NRXN3: variants seen among roughly 807,000 people sequenced by gnomAD.
NRXN3 encodes neurexin 3.
A neutral mutation model predicts 137.6 loss-of-function variants in NRXN3; 32 were observed. That is an observed-to-expected ratio of 0.23 (90% CI 0.18 to 0.31). The LOEUF (loss-of-function observed/expected upper bound fraction) is 0.31, where lower values mean the gene tolerates loss of function less well. Ranked by LOEUF, NRXN3 falls within the 10% of genes least tolerant of loss-of-function variation. The pLI is 1.00. For missense variants in NRXN3, 1,574 were observed against 2,062.5 expected (o/e 0.76, Z 4.59); for synonymous variants, 798 against 784.5 (o/e 1.02, Z -0.29).
At chr14:79,344,728 C>G (rs1195793069) in intron 15 of NRXN3, among the ~76,000 whole-genome samples, 1 of 152,276 alleles carries the variant, frequency 6.6e-6, no homozygotes, top group African/African-American at 2.4e-5. Flanking sequence ...TGAAATGCAT[C>G]TGGAAAATTT....
intron 6 of NRXN3, among the ~76,000 whole-genome samples, chr14:78,666,817 C>T (rs1048217770): frequency 4.6e-5 from 7 of 152,054 alleles, no homozygotes; most frequent in African/African-American, 1.4e-4. Flanking sequence ...GCTCTTTGTG[C>T]CATTCTTTGG....
At chr14:78,375,994 C>T (rs2087750114) in intron 4 of NRXN3, among the ~76,000 whole-genome samples, 1 of 137,096 alleles carries the variant, frequency 7.3e-6, no homozygotes, top group East Asian at 2.1e-4. Context: ...TCAACTTCTT[C>T]CTCCTTGATA....
chr14:78,218,425 TTCTC>T (rs2063510899), intron 1 of NRXN3, among the ~76,000 whole-genome samples: 1 of 152,212 alleles, frequency 6.6e-6, no homozygotes, highest in Non-Finnish European at 1.5e-5. Flanking sequence ...ACTAGGCACA[TTCTC>T]TTTTTGTAGG....
At chr14:79,342,369 CTA>C (rs2092653513) in intron 15 of NRXN3, among the ~76,000 whole-genome samples, 1 of 152,168 alleles carries the variant, frequency 6.6e-6, no homozygotes, top group South Asian at 2.1e-4. Context: ...TAGAGTCTGG[CTA>C]TTCTTCTGAA....
At chr14:79,015,777 C>T (rs1459638554) in intron 15 of NRXN3, among the ~76,000 whole-genome samples, 1 of 152,202 alleles carries the variant, frequency 6.6e-6, no homozygotes, top group East Asian at 1.9e-4. Context: ...CACGTTTAAA[C>T]ACAGTAGTCC....
At chr14:78,394,981 T>C (rs1267865975) in intron 4 of NRXN3, among the ~76,000 whole-genome samples, 3 of 151,936 alleles carry the variant, frequency 2.0e-5, no homozygotes, top group Non-Finnish European at 4.4e-5. Flanking sequence ...TCTTGCAAGA[T>C]GCTTGTTGAT....
chr14:79,638,725 G>A (rs1404603184), intron 16 of NRXN3, among the ~76,000 whole-genome samples: 1 of 152,190 alleles, frequency 6.6e-6, no homozygotes, highest in Non-Finnish European at 1.5e-5. Context: ...TGTGCAAGGT[G>A]AGTGGGAAAG....
At position 78,243,661 on chromosome 14, in the gene NRXN3, G is replaced by C. The variant is rs759069929; in HGVS notation, c.568G>C (p.Gly190Arg). 6.3e-7 allele frequency: 1 copy of C among 1,598,416 alleles called. No individual in the cohort carries two copies. The highest frequency in any genetic ancestry group is 1.1e-5 in the South Asian group (1 of 91,078). The change falls in exon 2 of 21, where the codon GGG becomes CGG. Residue 190 changes from glycine (G) to arginine (R), a missense_variant. Around this residue, in one of 5 missense-constraint regions of NRXN3, gnomAD observed 400 missense variants for 527.3 expected, o/e 0.76. Transcript: ENST00000335750. This position sits in a 1 kb window ranked among gnomAD's most constrained non-coding sequence, Gnocchi z 4.2. ...KYGNSEPRLLGSRGVQMDAEG... is the reference protein window; with the variant it reads ...KYGNSEPRLLRSRGVQMDAEG... ...TGGAAACTCGGAGCCTCGGCTTCTG[G>C]GGAGCCGGGGTGTCCAGATGGATGC...
chr14:79,768,665 G>A (rs985517369), intron 19 of NRXN3, among the ~76,000 whole-genome samples: 1 of 152,200 alleles, frequency 6.6e-6, no homozygotes, highest in African/African-American at 2.4e-5. Flanking sequence ...AAACCACAAA[G>A]ATGGGGAAAA....
chr14:78,422,944 T>C (rs1324231791), intron 4 of NRXN3, among the ~76,000 whole-genome samples: 1 of 152,170 alleles, frequency 6.6e-6, no homozygotes, highest in Admixed American at 6.5e-5. Flanking sequence ...ATTGCAAAAG[T>C]GTCATCTTAA....
intron 15 of NRXN3, among the ~76,000 whole-genome samples, chr14:79,347,719 C>T (rs2153381233): frequency 6.6e-6 from 1 of 152,296 alleles, no homozygotes; most frequent in East Asian, 1.9e-4. Context: ...CCGCACCTGG[C>T]CAACATTTCC....
At chr14:78,515,179 G>A (rs1215126079) in intron 4 of NRXN3, among the ~76,000 whole-genome samples, 8 of 152,098 alleles carry the variant, frequency 5.3e-5, no homozygotes, top group South Asian at 2.1e-4. Context: ...ACTCACCAGG[G>A]GAATCAATGG....
intron 8 of NRXN3, among the ~76,000 whole-genome samples, chr14:78,754,382 C>CA: frequency 6.6e-6 from 1 of 152,336 alleles, no homozygotes; most frequent in East Asian, 1.9e-4. Context: ...CCCAGCCACA[C>CA]AGGCCTTCTT....
chr14:78,482,478 C>G (rs1258225982), intron 4 of NRXN3, among the ~76,000 whole-genome samples: 6 of 152,126 alleles, frequency 3.9e-5, no homozygotes, highest in African/African-American at 1.4e-4. Context: ...AGACCCTCCT[C>G]TCTCTCTCAG....
chr14:78,570,975 G>A (rs949733861), intron 4 of NRXN3, among the ~76,000 whole-genome samples: 2 of 152,140 alleles, frequency 1.3e-5, no homozygotes, highest in African/African-American at 4.8e-5. Flanking sequence ...TGGTGGCAGG[G>A]GTGGGGACAG....
intron 15 of NRXN3, among the ~76,000 whole-genome samples, chr14:78,990,362 T>G: frequency 2.3e-5 from 1 of 42,906 alleles, no homozygotes; most frequent in African/African-American, 2.4e-4. Context: ...TTCACATCTA[T>G]TTTTTTTTTT....
intron 10 of NRXN3, among the ~76,000 whole-genome samples, chr14:78,843,994 G>T (rs1021537075): frequency 1.3e-5 from 2 of 152,002 alleles, no homozygotes; most frequent in Non-Finnish European, 2.9e-5. Context: ...CACCAACCTG[G>T]TGGCTTACAA....
At chr14:79,022,513 T>A (rs1595030278) in intron 15 of NRXN3, among the ~76,000 whole-genome samples, 1 of 152,294 alleles carries the variant, frequency 6.6e-6, no homozygotes, top group East Asian at 1.9e-4. Flanking sequence ...GTCATATTAT[T>A]GGGAACACAC....
chr14:78,463,965 A>G (rs955554918), intron 4 of NRXN3, among the ~76,000 whole-genome samples: 1 of 151,604 alleles, frequency 6.6e-6, no homozygotes, highest in African/African-American at 2.4e-5. Context: ...ATTAACTGCT[A>G]TTATTATTAC....
Sources: gnomAD v4.1 joint callset for allele counts (sites outside exome capture counted in the v4.1 genomes callset) on GRCh38, gnomAD v4.1.1 for gene constraint, gnomAD v4.1.1 regional missense constraint, Gnocchi (gnomAD v3.1) non-coding constraint, MANE v1.5 for transcripts, NCBI Gene and HGNC (gene_info 2026-07-23, HGNC 2026-07-21) for gene names.